PTPRD: variants seen among roughly 807,000 people sequenced by gnomAD.
PTPRD encodes the protein receptor-type tyrosine-protein phosphatase delta.
PTPRD carries 34 observed loss-of-function variants against 214.5 expected under a neutral mutation model. The ratio of observed to expected loss-of-function variants is 0.16; its 90% CI spans 0.12 to 0.21. The LOEUF is 0.21. Ranked by LOEUF, PTPRD falls within the 10% of genes least tolerant of loss-of-function variation. The probability of loss-of-function intolerance (pLI) is 1.00; values close to 1 mark genes in which losing one functional copy is unlikely to be tolerated. For synonymous variants in PTPRD, 1,128 were observed against 845.7 expected, an observed-to-expected ratio of 1.33 and a Z score of -5.79; for missense variants, 2,545 against 2,398.7, an observed-to-expected ratio of 1.06 and a Z score of -1.27.
rs146886383 is a variant in PTPRD, at chr9:9,101,948, C to G, written c.-143+81356G>C. On this transcript the variant is annotated intron_variant, in intron 10 of 45. Coordinates refer to ENST00000381196, the MANE Select transcript of PTPRD (RefSeq NM_002839.4). ...TGAAGTAAATAATGATACCTCTTGG[C>G]TATATTTGCATGGAATTTAAAAAAC... 8.1e-3 allele frequency among the ~76,000 whole-genome samples: 1,228 copies of G among 152,190 alleles called. 7 individuals are homozygous for G. Among genetic ancestry groups the G allele is most frequent in the Non-Finnish European group, 0.015 (997 of 68,016 alleles).
At chr9:8,698,557 T>C (rs746418706) in intron 12 of PTPRD, among the ~76,000 whole-genome samples, 1 of 152,210 alleles carries the variant, frequency 6.6e-6, no homozygotes, top group Non-Finnish European at 1.5e-5. Flanking sequence ...ATCTGTACTT[T>C]ATCAAGGCCT....
intron 2 of PTPRD, among the ~76,000 whole-genome samples, chr9:10,429,826 T>C (rs550837617): frequency 6.6e-6 from 1 of 152,088 alleles, no homozygotes; most frequent in South Asian, 2.1e-4. Flanking sequence ...ATCATATTAA[T>C]TGTTTTCACA....
chr9:10,604,062 T>G (rs2078645423), intron 2 of PTPRD, among the ~76,000 whole-genome samples: 1 of 151,622 alleles, frequency 6.6e-6, no homozygotes, highest in African/African-American at 2.4e-5. Context: ...CCTATGAAGT[T>G]AAAAAACATA....
chr9:9,059,960 G>T (rs934142761), intron 10 of PTPRD, among the ~76,000 whole-genome samples: 3 of 152,104 alleles, frequency 2.0e-5, no homozygotes, highest in Non-Finnish European at 4.4e-5. Flanking sequence ...ATATTGTAAT[G>T]ATGTAAACTC....
intron 30 of PTPRD, among the ~76,000 whole-genome samples, chr9:8,479,726 AT>A (rs1447247976): frequency 3.3e-5 from 5 of 152,246 alleles, no homozygotes; most frequent in African/African-American, 1.2e-4. Flanking sequence ...TCATTTTTAT[AT>A]AAATAAAAGA....
intron 3 of PTPRD, among the ~76,000 whole-genome samples, chr9:10,232,878 T>C (rs2099616395): frequency 6.6e-6 from 1 of 152,018 alleles, no homozygotes; most frequent in Admixed American, 6.6e-5. Context: ...ATGCCATACG[T>C]TTTATGTGAC....
chr9:10,471,964 T>G (rs1348462990), intron 2 of PTPRD, among the ~76,000 whole-genome samples: 1 of 152,134 alleles, frequency 6.6e-6, no homozygotes, highest in African/African-American at 2.4e-5. Context: ...ATCTTTGTGA[T>G]TATTTCAATT....
intron 10 of PTPRD, among the ~76,000 whole-genome samples, chr9:9,019,095 T>G (rs2099548962): frequency 6.6e-6 from 1 of 152,064 alleles, no homozygotes; most frequent in South Asian, 2.1e-4. Context: ...TAGAAAAACC[T>G]ATGAAGAATT....
intron 9 of PTPRD, among the ~76,000 whole-genome samples, chr9:9,194,505 G>T (rs1198703287): frequency 6.6e-6 from 1 of 152,112 alleles, no homozygotes; most frequent in Non-Finnish European, 1.5e-5. Flanking sequence ...TGGCTGTGAT[G>T]TCACTGGGTG....
intron 11 of PTPRD, among the ~76,000 whole-genome samples, chr9:8,979,778 G>C (rs1226027449): frequency 6.6e-6 from 1 of 152,074 alleles, no homozygotes; most frequent in Non-Finnish European, 1.5e-5. Context: ...TTAGTACACT[G>C]TTCATGGGAA....
At chr9:10,316,168 T>TATATATACATAG (rs1555137537) in intron 3 of PTPRD, among the ~76,000 whole-genome samples, 2 of 134,434 alleles carry the variant, frequency 1.5e-5, no homozygotes, top group Admixed American at 9.1e-5. Flanking sequence ...TATATCTATG[T>TATATATACATAG]ATATATACAT....
chr9:8,363,200 A>T (rs1204327806), intron 39 of PTPRD, among the ~76,000 whole-genome samples: 2 of 152,210 alleles, frequency 1.3e-5, no homozygotes, highest in African/African-American at 4.8e-5. Flanking sequence ...CATCTTATAT[A>T]CATTTATCTT....
In PTPRD at chr9:10,571,158, T is replaced by C. The variant is rs536673224; in HGVS notation, c.-600+41240A>G. On this transcript the variant is annotated intron_variant, in intron 2 of 45. Transcript: ENST00000381196. ...TTAAGAATATAAACTAGTTAAAATA[T>C]ATGAGGTTAATTATTGACTGCAGTT... Among the ~76,000 whole-genome samples the C allele has an allele frequency of 2.6e-5, 4 of 152,282 alleles. No individual in the cohort carries two copies. In the East Asian group the frequency reaches 5.8e-4, roughly 22 times the overall value.
intron 7 of PTPRD, among the ~76,000 whole-genome samples, chr9:9,733,791 G>A (rs1269221264): frequency 1.3e-5 from 2 of 152,154 alleles, no homozygotes; most frequent in Non-Finnish European, 2.9e-5. Flanking sequence ...AGTATTAAAT[G>A]AGATAAAATG....
chr9:10,500,425 G>A (rs2043302264), intron 2 of PTPRD, among the ~76,000 whole-genome samples: 1 of 151,820 alleles, frequency 6.6e-6, no homozygotes, highest in Non-Finnish European at 1.5e-5. Flanking sequence ...TAATTTTTGT[G>A]AATACATAGT....
chr9:8,697,032 G>C lies in PTPRD; in HGVS notation c.64+36748C>G, dbSNP rs143983113. On this transcript the variant is annotated intron_variant, in intron 12 of 45. Transcript: ENST00000381196. ...CGGAAGCGTGAGAACAACAGTAACA[G>C]TTTCTGCCTAGAAGAATCCTATTTT... Among the ~76,000 whole-genome samples, 8 of 152,292 alleles carry C rather than the reference G, an allele frequency of 5.3e-5. No homozygotes were observed. The East Asian group carries it at 1.5e-3, about 29-fold the overall frequency.
intron 39 of PTPRD, among the ~76,000 whole-genome samples, chr9:8,347,189 A>T (rs2074086243): frequency 6.6e-6 from 1 of 152,088 alleles, no homozygotes; most frequent in Admixed American, 6.6e-5. Context: ...CACCAAAGAA[A>T]TCAGGAAATA....
At chr9:8,904,157 CA>C (rs2098691617) in intron 11 of PTPRD, among the ~76,000 whole-genome samples, 1 of 152,160 alleles carries the variant, frequency 6.6e-6, no homozygotes. Flanking sequence ...TTTCCTAAAA[CA>C]TTTGTGAGTT....
intron 5 of PTPRD, among the ~76,000 whole-genome samples, chr9:9,893,177 A>G (rs889744002): frequency 2.5e-4 from 38 of 152,102 alleles, no homozygotes; most frequent in African/African-American, 8.4e-4. Flanking sequence ...TGCACACACT[A>G]AAGTACACAG....
Sources: gnomAD v4.1 joint callset for allele counts (sites outside exome capture counted in the v4.1 genomes callset) on GRCh38, gnomAD v4.1.1 for gene constraint, MANE v1.5 for transcripts, NCBI Gene and HGNC (gene_info 2026-07-23, HGNC 2026-07-21) for gene names.